HADHB: variants seen among roughly 807,000 people sequenced by gnomAD.
HADHB encodes trifunctional enzyme subunit beta, mitochondrial.
In HADHB, 50 loss-of-function variants were observed where a neutral mutation model predicts 61.9. The ratio of observed to expected loss-of-function variants is 0.81; its 90% CI spans 0.64 to 1.02. The LOEUF is 1.02. Among genes scored for constraint, HADHB ranks in the 50% least tolerant of loss-of-function variants. The probability of loss-of-function intolerance (pLI) is 0.00; values close to 1 mark genes in which losing one functional copy is unlikely to be tolerated. For synonymous variants in HADHB, 191 were observed against 201.6 expected, an observed-to-expected ratio of 0.95 and a Z score of 0.45; for missense variants, 504 against 586.5, an observed-to-expected ratio of 0.86 and a Z score of 1.45.
chr2:26,287,156 A>G (rs1419230680), intron 15 of HADHB, among the ~76,000 whole-genome samples: 1 of 152,088 alleles, frequency 6.6e-6, no homozygotes, highest in African/African-American at 2.4e-5. Flanking sequence ...GTGAGCCGAG[A>G]TGGCGCCATT....
At chr2:26,249,826 T>C (rs1298110275) in intron 1 of HADHB, among the ~76,000 whole-genome samples, 1 of 151,964 alleles carries the variant, frequency 6.6e-6, no homozygotes, top group African/African-American at 2.4e-5. Context: ...GCATGGTTGT[T>C]TGAGGCCTTG....
rs1166120479 is a variant in HADHB at position 26,279,229 on chromosome 2, A to G, written c.725A>G (p.Asp242Gly). Residue 242 changes from aspartate (D) to glycine (G), a missense_variant, in exon 9 of 16, where the codon GAT becomes GGT. Coordinates refer to ENST00000317799, the MANE Select transcript of HADHB (RefSeq NM_000183.3). ...TTTGCTGTTTCTCGGCTGGAACAGG[A>G]TGAATATGCACTGCGCTCTCACAGT... ...AAFAVSRLEQ[D>G]EYALRSHSLA... 4 of 1,613,422 alleles carry G rather than the reference A, an allele frequency of 2.5e-6. No individual in the cohort carries two copies. The highest frequency in any genetic ancestry group is 2.5e-6 in the Non-Finnish European group (3 of 1,179,522).
chr2:26,289,867 G>C, intron 15 of HADHB, 51 bp from the exon 16 acceptor site: 1 of 1,261,814 alleles, frequency 7.9e-7, no homozygotes. Context: ...CCCTGTACTA[G>C]GTGGATTCAT....
Position 26,263,491 on chromosome 2 carries a change from A to C in HADHB, c.209+12A>C. The stretch of plus-strand genomic sequence containing the variant: ...CTGTCTGGCACTTCGTAAGTATGAC[A>C]TGATCATATTATTTTTTTCCTTCTT... On this transcript the variant is annotated intron_variant, in intron 4 of 15. Coordinates refer to ENST00000317799, the MANE Select transcript of HADHB (RefSeq NM_000183.3). The C allele has an allele frequency of 6.8e-7, 1 of 1,478,344 alleles. No individual in the cohort carries two copies. Among genetic ancestry groups the C allele is most frequent in the Non-Finnish European group, 9.5e-7 (1 of 1,055,988 alleles). 91.6% of individuals were successfully genotyped at this position (1,478,344 alleles called of 1,614,324 possible).
At chr2:26,286,119 A>G (rs1673024397) in intron 15 of HADHB, among the ~76,000 whole-genome samples, 1 of 152,194 alleles carries the variant, frequency 6.6e-6, no homozygotes, top group East Asian at 1.9e-4. Context: ...TTTTTTACTT[A>G]TAAATATATG....
intron 3 of HADHB, among the ~76,000 whole-genome samples, chr2:26,262,759 G>A (rs191943316): frequency 2.0e-5 from 3 of 152,252 alleles, no homozygotes; most frequent in Admixed American, 2.0e-4. Flanking sequence ...GTAGATTTGC[G>A]TGTAAATTTG....
chr2:26,266,939 T>C (rs1156488439), intron 4 of HADHB, among the ~76,000 whole-genome samples: 2 of 148,636 alleles, frequency 1.3e-5, no homozygotes, highest in African/African-American at 5.0e-5. Flanking sequence ...ATTTTCAAAT[T>C]GACACATGAC....
chr2:26,289,791 A>G, intron 15 of HADHB, 127 bp from the exon 16 acceptor site: 1 of 777,916 alleles, frequency 1.3e-6, no homozygotes, highest in African/African-American at 1.7e-5. Flanking sequence ...CCAAGATCAC[A>G]GTGATTGATT....
intron 5 of HADHB, among the ~76,000 whole-genome samples, chr2:26,273,387 CTA>C (rs1323550165): frequency 6.6e-6 from 1 of 152,054 alleles, no homozygotes; most frequent in African/African-American, 2.4e-5. Context: ...GGTTTCTTAT[CTA>C]TTTTATTCTA....
intron 12 of HADHB, among the ~76,000 whole-genome samples, chr2:26,283,608 TC>T (rs1348452100): frequency 6.6e-6 from 1 of 152,220 alleles, no homozygotes; most frequent in African/African-American, 2.4e-5. Flanking sequence ...TCCATTTTTT[TC>T]CTATAAGTTT....
chr2:26,288,123 C>G (rs1266191466), intron 15 of HADHB, among the ~76,000 whole-genome samples: 1 of 151,688 alleles, frequency 6.6e-6, no homozygotes, highest in Non-Finnish European at 1.5e-5. Context: ...AAAAATTAGC[C>G]AGGTATGATG....
chr2:26,285,451 T>C lies in HADHB; in HGVS notation c.1269T>C (p.Ser423=), dbSNP rs1452714973. 1.2e-6 allele frequency: 2 copies of C among 1,613,654 alleles called. No individual in the cohort carries two copies. Among genetic ancestry groups the C allele is most frequent in the Non-Finnish European group, 1.7e-6 (2 of 1,179,710 alleles). ...AGAAGTTTAATAACTGGGGTGGATC[T>C]CTGTCCCTGGGACACCCATTTGGAG... ...PLEKFNNWGG[S]LSLGHPFGAT... Residue 423 remains serine, a synonymous_variant, in exon 15 of 16, where the codon TCT becomes TCC. Transcript: ENST00000317799.
intron 10 of HADHB, among the ~76,000 whole-genome samples, chr2:26,282,223 GT>G (rs1180796741): frequency 7.2e-6 from 1 of 139,440 alleles, no homozygotes; most frequent in African/African-American, 2.7e-5. Flanking sequence ...TTAAATAAGT[GT>G]TTAGTGTTTA....
chr2:26,255,877 C>G (rs1671589320), intron 3 of HADHB, among the ~76,000 whole-genome samples: 1 of 152,166 alleles, frequency 6.6e-6, no homozygotes, highest in African/African-American at 2.4e-5. Context: ...TAATTCCTGT[C>G]TGTCTTGTTT....
intron 8 of HADHB, 146 bp downstream of exon 8, chr2:26,278,947 G>A: frequency 2.1e-6 from 2 of 969,046 alleles, no homozygotes; most frequent in South Asian, 2.7e-5. Context: ...AAAAGATAGT[G>A]GTTAGAAAAC....
intron 6 of HADHB, among the ~76,000 whole-genome samples, chr2:26,275,071 G>T (rs897951414): frequency 2.0e-5 from 3 of 152,088 alleles, no homozygotes; most frequent in Admixed American, 6.6e-5. Flanking sequence ...GTTATGTTGT[G>T]CTCCAGGTAA....
chr2:26,278,217 C>T (rs1672628900), intron 7 of HADHB, among the ~76,000 whole-genome samples: 1 of 151,810 alleles, frequency 6.6e-6, no homozygotes, highest in Non-Finnish European at 1.5e-5. Flanking sequence ...GGGGGCCTGC[C>T]TTACGTTTCA....
intron 1 of HADHB, among the ~76,000 whole-genome samples, chr2:26,250,223 T>C (rs1209994144): frequency 6.6e-6 from 1 of 152,098 alleles, no homozygotes; most frequent in Non-Finnish European, 1.5e-5. Context: ...AGGCTGGTCT[T>C]GAACTCCCAA....
At chr2:26,263,328 A>T in intron 3 of HADHB, 52 bp from the exon 4 acceptor site, 1 of 1,036,382 alleles carries the variant, frequency 9.6e-7, no homozygotes, top group Non-Finnish European at 1.5e-6. Context: ...AAAAGTCATC[A>T]GACTTTATAT....
Sources: gnomAD v4.1 joint callset for allele counts (sites outside exome capture counted in the v4.1 genomes callset) on GRCh38, gnomAD v4.1.1 for gene constraint, MANE v1.5 for transcripts, NCBI Gene and HGNC (gene_info 2026-07-23, HGNC 2026-07-21) for gene names.